REV3L: variants seen among roughly 807,000 people sequenced by gnomAD.
The protein encoded by REV3L is REV3 like, DNA directed polymerase zeta catalytic subunit.
REV3L carries 69 observed loss-of-function variants against 299.4 expected under a neutral mutation model. The observed-to-expected ratio is 0.23, with a 90% CI of 0.19 to 0.28. The LOEUF (loss-of-function observed/expected upper bound fraction) is 0.28, where lower values mean the gene tolerates loss of function less well. Among genes scored for constraint, REV3L ranks in the 10% least tolerant of loss-of-function variants. The pLI is 1.00. For missense variants in REV3L, 3,128 were observed against 3,693.8 expected (o/e 0.85, Z 3.97); for synonymous variants, 1,238 against 1,271.4 (o/e 0.97, Z 0.56).
At chr6:111,412,692 C>A (rs1038887116) in intron 2 of REV3L, among the ~76,000 whole-genome samples, 1 of 150,914 alleles carries the variant, frequency 6.6e-6, no homozygotes, top group Non-Finnish European at 1.5e-5. Context: ...AATTTGGTAG[C>A]AGAGACATTA....
intron 1 of REV3L, among the ~76,000 whole-genome samples, chr6:111,465,762 A>AAAG (rs1554250476): frequency 6.6e-6 from 1 of 151,208 alleles, no homozygotes; most frequent in African/African-American, 2.4e-5. Context: ...AAAAAAAAAA[A>AAAG]AAAACTTTGT....
chr6:111,447,233 C>T (rs921589993), intron 1 of REV3L, among the ~76,000 whole-genome samples: 41 of 152,158 alleles, frequency 2.7e-4, no homozygotes, highest in African/African-American at 9.9e-4. Context: ...TAGCCTCTTG[C>T]CAAATACCGT....
intron 13 of REV3L, among the ~76,000 whole-genome samples, chr6:111,368,892 T>C (rs1779488289): frequency 6.6e-6 from 1 of 152,150 alleles, no homozygotes; most frequent in Non-Finnish European, 1.5e-5. Flanking sequence ...TCACTCTCTA[T>C]GTAAAATCCA....
intron 9 of REV3L, among the ~76,000 whole-genome samples, chr6:111,386,918 C>T (rs915390690): frequency 1.1e-4 from 16 of 152,048 alleles, no homozygotes; most frequent in African/African-American, 3.9e-4. Context: ...GACAGAGTTT[C>T]ACCATGTTGG....
chr6:111,463,386 G>C (rs1791033953), intron 1 of REV3L, among the ~76,000 whole-genome samples: 1 of 152,166 alleles, frequency 6.6e-6, no homozygotes, highest in Admixed American at 6.6e-5. Flanking sequence ...ATTCAATTTA[G>C]AATGGCACTA....
At chr6:111,428,791 A>T (rs932104835) in intron 1 of REV3L, among the ~76,000 whole-genome samples, 14 of 152,194 alleles carry the variant, frequency 9.2e-5, no homozygotes, top group Non-Finnish European at 2.1e-4. Flanking sequence ...GGCTCTTGTT[A>T]AGCAAGGGAA....
chr6:111,359,520 GAAAAAAAAAAA>G (rs371680267), intron 16 of REV3L, among the ~76,000 whole-genome samples: 3 of 102,608 alleles, frequency 2.9e-5, no homozygotes. Context: ...AGTTTTTCCT[GAAAAAAAAAAA>G]AAAAAAAAAA....
At chr6:111,395,747 T>C (rs1019178037) in intron 4 of REV3L, among the ~76,000 whole-genome samples, 5 of 152,136 alleles carry the variant, frequency 3.3e-5, no homozygotes, top group African/African-American at 9.7e-5. Flanking sequence ...GTGGTAAAAA[T>C]GGGCATCCTG....
At chr6:111,451,079 A>G (rs953566632) in intron 1 of REV3L, among the ~76,000 whole-genome samples, 1 of 152,204 alleles carries the variant, frequency 6.6e-6, no homozygotes, top group Non-Finnish European at 1.5e-5. Context: ...AGTGGATGCC[A>G]TGGGTCTGAG....
chr6:111,321,712 TC>T (rs1229448843), intron 26 of REV3L, among the ~76,000 whole-genome samples: 3 of 152,196 alleles, frequency 2.0e-5, no homozygotes, highest in Non-Finnish European at 1.5e-5. Flanking sequence ...TAAATGCTGT[TC>T]AAAGATTACT....
chr6:111,450,956 A>T (rs1324201887), intron 1 of REV3L, among the ~76,000 whole-genome samples: 1 of 152,230 alleles, frequency 6.6e-6, no homozygotes, highest in African/African-American at 2.4e-5. Context: ...AGAACCAGAG[A>T]AGCTATTTGT....
intron 21 of REV3L, 109 bp from the exon 22 acceptor site, chr6:111,335,719 G>A: frequency 9.1e-7 from 1 of 1,104,842 alleles, no homozygotes; most frequent in Non-Finnish European, 1.3e-6. Context: ...GGTTACTTAA[G>A]GAAAGAGTAA....
At position 111,367,708 on chromosome 6, in the gene REV3L, G is replaced by A. The variant is rs147873857; in HGVS notation, c.6080C>T (p.Pro2027Leu). The change falls in exon 14 of 32, where the codon CCA (proline) becomes CTA (leucine). Residue 2027 changes from proline (P) to leucine (L), a missense_variant. Around this residue, in one of 9 missense-constraint regions of REV3L, gnomAD observed 2,409 missense variants for 2,611.8 expected, o/e 0.92. Transcript: ENST00000368802. ...ERSKKLPKTKPTGVVKSAENF... is the reference protein window; with the variant it reads ...ERSKKLPKTKLTGVVKSAENF... ...CTCAGCAGATTTTACAACTCCAGTT[G>A]GCTTGGTTTTAGGCAGTTTCTTGGA... The A allele has an allele frequency of 4.0e-5, 65 of 1,614,058 alleles. No individual in the cohort carries two copies. In the Middle Eastern group the frequency reaches 4.9e-4, roughly 12 times the overall value.
At position 111,405,634 on chromosome 6, in the gene REV3L, A is replaced by T; in HGVS notation, c.405-4T>A. 6.4e-7 allele frequency: 1 copy of T among 1,570,692 alleles called. No homozygotes were observed. The highest frequency in any genetic ancestry group is 8.6e-7 in the Non-Finnish European group (1 of 1,160,534). ...GCTTTGCAAAAGTTCACATATCCTA[A>T]ATTAGAAAAAAAAAGTTTTATCATA... is the stretch of plus-strand genomic sequence containing the variant. On this transcript the variant is annotated splice_polypyrimidine_tract_variant and splice_region_variant and intron_variant, in intron 3 of 31. Coordinates refer to ENST00000368802, the MANE Select transcript of REV3L (RefSeq NM_001372078.1).
At chr6:111,316,500 C>CT (rs1023685390) in intron 26 of REV3L, among the ~76,000 whole-genome samples, 6 of 151,630 alleles carry the variant, frequency 4.0e-5, no homozygotes, top group Non-Finnish European at 8.8e-5. Context: ...CCCGTCTCTA[C>CT]TAAAAAAATA....
At chr6:111,427,736 T>C (rs1251971016) in intron 1 of REV3L, among the ~76,000 whole-genome samples, 1 of 152,174 alleles carries the variant, frequency 6.6e-6, no homozygotes, top group African/African-American at 2.4e-5. Flanking sequence ...TTGGGTTTGT[T>C]GGCAAGAGAC....
chr6:111,393,830 C>G (rs1782195290), intron 4 of REV3L, among the ~76,000 whole-genome samples: 1 of 152,140 alleles, frequency 6.6e-6, no homozygotes, highest in Non-Finnish European at 1.5e-5. Context: ...CGACTCCTGG[C>G]TAAAGACGAA....
chr6:111,323,629 A>G (rs1466380483), intron 25 of REV3L, among the ~76,000 whole-genome samples: 1 of 152,196 alleles, frequency 6.6e-6, no homozygotes, highest in Non-Finnish European at 1.5e-5. Context: ...CTTGACAAAT[A>G]TGAGAAGCAT....
chr6:111,388,229 T>C (rs991300353), intron 7 of REV3L, 144 bp from the exon 8 acceptor site: 16 of 611,038 alleles, frequency 2.6e-5, no homozygotes, highest in Middle Eastern at 4.3e-4. Flanking sequence ...AGTTTTACCA[T>C]AGAATCACAC....
Sources: gnomAD v4.1 joint callset for allele counts (sites outside exome capture counted in the v4.1 genomes callset) on GRCh38, gnomAD v4.1.1 for gene constraint, gnomAD v4.1.1 regional missense constraint, MANE v1.5 for transcripts, NCBI Gene and HGNC (gene_info 2026-07-23, HGNC 2026-07-21) for gene names.